The following MYO5C variants were observed in gnomAD, a reference collection of about 807,000 sequenced individuals.
MYO5C encodes unconventional myosin-Vc.
In MYO5C, 194 loss-of-function variants were observed where a neutral mutation model predicts 235.7. The observed-to-expected ratio is 0.82, with a 90% CI of 0.73 to 0.93. The LOEUF is 0.93. Among genes scored for constraint, MYO5C ranks in the 40% least tolerant of loss-of-function variants. The probability of loss-of-function intolerance (pLI) is 0.00; values close to 1 mark genes in which losing one functional copy is unlikely to be tolerated. For synonymous variants in MYO5C, 707 were observed against 754.8 expected (o/e 0.94, Z 1.04); for missense variants, 2,038 against 2,127.2 (o/e 0.96, Z 0.82).
chr15:52,232,098 T>C (rs563653805), intron 24 of MYO5C, among the ~76,000 whole-genome samples: 52 of 75,260 alleles, frequency 6.9e-4, no homozygotes, highest in African/African-American at 2.5e-3. Context: ...AGCAATAAAG[T>C]AAAAAAAAAA....
chr15:52,279,357 T>C, intron 3 of MYO5C, 152 bp downstream of exon 3: 1 of 722,724 alleles, frequency 1.4e-6, no homozygotes. Flanking sequence ...GGTAGTCCAG[T>C]CTTAGTTCTT....
rs1468320102 is a variant in MYO5C at position 52,205,002 on chromosome 15, G to A, written c.4683C>T (p.Thr1561=). The A allele has an allele frequency of 6.2e-7, 1 of 1,614,240 alleles. No individual in the cohort carries two copies. The highest frequency in any genetic ancestry group is 8.5e-7 in the Non-Finnish European group (1 of 1,180,046). Residue 1561 remains threonine (T), a synonymous_variant, in exon 38 of 41, where the codon ACC becomes ACT. Transcript: ENST00000261839. ...VLQQLSYFYT[T]MCQNGLDPEL... is the part of the protein sequence containing the mutation. Reference sequence around the variant, plus strand: ...CGGGGTCCAGGCCGTTCTGGCACATGGTGGTGTAAAAGTAGCTCAGCTGTT... The same window carrying A: ...CGGGGTCCAGGCCGTTCTGGCACATAGTGGTGTAAAAGTAGCTCAGCTGTT...
rs370888566 is a variant in MYO5C at position 52,238,174 on chromosome 15, C to G, written c.2704-528G>C. ...GAGAGAGGCCTCAGAAGAAACCAAC[C>G]CTGCCAAAACCTTGATATGGGACCT... is the stretch of plus-strand genomic sequence containing the variant. On this transcript the variant is annotated intron_variant, in intron 21 of 40. Coordinates refer to ENST00000261839, the MANE Select transcript of MYO5C (RefSeq NM_018728.4). Among the ~76,000 whole-genome samples the G allele has an allele frequency of 2.6e-5, 4 of 152,192 alleles. No individual in the cohort carries two copies. In the East Asian group the frequency reaches 7.7e-4, roughly 29 times the overall value.
At chr15:52,247,918 C>T (rs2036388561) in intron 14 of MYO5C, among the ~76,000 whole-genome samples, 1 of 152,172 alleles carries the variant, frequency 6.6e-6, no homozygotes, top group Non-Finnish European at 1.5e-5. Flanking sequence ...AATCTCCTCC[C>T]TCCTACTCCA....
intron 2 of MYO5C, among the ~76,000 whole-genome samples, chr15:52,280,380 CT>C (rs1266736327): frequency 6.6e-6 from 1 of 152,246 alleles, no homozygotes; most frequent in African/African-American, 2.4e-5. Flanking sequence ...TAGATTTAAC[CT>C]AGTATTCCTA....
intron 18 of MYO5C, among the ~76,000 whole-genome samples, chr15:52,244,861 C>T (rs989778269): frequency 2.0e-5 from 3 of 152,222 alleles, no homozygotes; most frequent in African/African-American, 7.2e-5. Context: ...GCCACTCTCT[C>T]GTGGTCTCCA....
At chr15:52,231,981 T>C (rs746687168) in intron 24 of MYO5C, among the ~76,000 whole-genome samples, 53 of 151,812 alleles carry the variant, frequency 3.5e-4, no homozygotes, top group Middle Eastern at 3.4e-3. Context: ...ACAAGGACAA[T>C]AGGTGGGGAA....
chr15:52,258,659 C>T (rs529311467), intron 10 of MYO5C, among the ~76,000 whole-genome samples: 1 of 152,110 alleles, frequency 6.6e-6, no homozygotes, highest in Admixed American at 6.5e-5. Flanking sequence ...CTGGAGGGGG[C>T]GGGAAAGGCT....
chr15:52,282,418 T>A (rs1194379918), intron 2 of MYO5C, among the ~76,000 whole-genome samples: 2 of 152,220 alleles, frequency 1.3e-5, no homozygotes, highest in Admixed American at 1.3e-4. Flanking sequence ...CACCAAGTTT[T>A]TCATCTCTGC....
rs558350305 is a variant in MYO5C, at chr15:52,227,758, A to T, written c.3207+1375T>A. The stretch of plus-strand genomic sequence containing the variant: ...GTGGTCTGACCTCCTACTTTTAAAC[A>T]ATAGGGGACGGGGCCCAGAAAAGAC... On this transcript the variant is annotated intron_variant, in intron 25 of 40. Transcript: ENST00000261839. 2.0e-4 allele frequency among the ~76,000 whole-genome samples: 31 copies of T among 152,272 alleles called. No individual in the cohort carries two copies. The East Asian group carries it at 5.4e-3, about 27-fold the overall frequency.
At chr15:52,286,115 G>C (rs753493090) in intron 1 of MYO5C, among the ~76,000 whole-genome samples, 2 of 150,398 alleles carry the variant, frequency 1.3e-5, no homozygotes, top group Non-Finnish European at 3.0e-5. Context: ...CCCTCCGCCC[G>C]GCAGCCGCAC....
chr15:52,209,000 A>G (rs115408928), intron 35 of MYO5C, among the ~76,000 whole-genome samples: 4 of 152,166 alleles, frequency 2.6e-5, no homozygotes, highest in Non-Finnish European at 5.9e-5. Flanking sequence ...AGACTGTGCT[A>G]CCAAAGCTCA....
intron 21 of MYO5C, 100 bp from the exon 22 acceptor site, chr15:52,237,746 G>T: frequency 8.4e-7 from 1 of 1,183,626 alleles, no homozygotes; most frequent in African/African-American, 1.5e-5. Flanking sequence ...AATTTGAGAG[G>T]TTGCTTTATG....
At chr15:52,287,260 T>C (rs535960799) in intron 1 of MYO5C, among the ~76,000 whole-genome samples, 1 of 152,206 alleles carries the variant, frequency 6.6e-6, no homozygotes, top group African/African-American at 2.4e-5. Flanking sequence ...TGACACACAC[T>C]CTTGTGCAGA....
chr15:52,242,103 G>T lies in MYO5C; in HGVS notation c.2501C>A (p.Thr834Asn), dbSNP rs1351350417. The T allele has an allele frequency of 1.9e-6, 3 of 1,614,050 alleles. No homozygotes were observed. In the South Asian group the frequency reaches 3.3e-5, roughly 18 times the overall value. ...RSLYQLIRMA[T>N]ITMQAYSRGF... ...TCGGCTGTAGGCCTGCATTGTGATG[G>T]TGGCCATGCGAATCAACTGATACAG... The change falls in exon 20 of 41, where the codon ACC (threonine) becomes AAC (asparagine). Residue 834 changes from threonine to asparagine, a missense_variant. Physicochemically the swap from Thr to Asn is moderately conservative, Grantham distance 65. Transcript: ENST00000261839.
At chr15:52,246,722 G>T (rs1485963250) in intron 16 of MYO5C, among the ~76,000 whole-genome samples, 195 bp downstream of exon 16, 1 of 152,034 alleles carries the variant, frequency 6.6e-6, no homozygotes, top group Non-Finnish European at 1.5e-5. Context: ...TAGCCCTTTT[G>T]CTTAGCCCTG....
At chr15:52,239,341 A>G (rs1421164276) in intron 21 of MYO5C, among the ~76,000 whole-genome samples, 1 of 152,208 alleles carries the variant, frequency 6.6e-6, no homozygotes, top group East Asian at 1.9e-4. Flanking sequence ...CACCTGTGGG[A>G]AAATTAGAAA....
At chr15:52,291,731 G>GTTTTGTTT (rs1367919390) in intron 1 of MYO5C, among the ~76,000 whole-genome samples, 1 of 52,562 alleles carries the variant, frequency 1.9e-5, no homozygotes, top group Non-Finnish European at 3.3e-5. Context: ...CATATTTTAT[G>GTTTTGTTT]TTTTTTTTTT....
chr15:52,255,186 C>A (rs940105208), intron 11 of MYO5C, among the ~76,000 whole-genome samples: 2 of 152,134 alleles, frequency 1.3e-5, no homozygotes, highest in Admixed American at 6.5e-5. Context: ...ATTTTTAAAA[C>A]AAGGAAACAG....
Sources: allele counts gnomAD v4.1 joint callset (sites outside exome capture counted in the v4.1 genomes callset), GRCh38; gene constraint gnomAD v4.1.1; transcripts MANE v1.5; gene names NCBI Gene and HGNC (gene_info 2026-07-23, HGNC 2026-07-21).